Variants in ZZZ3 observed in about 807,000 individuals in gnomAD.
ZZZ3 encodes zinc finger ZZ-type containing 3.
ZZZ3 carries 22 observed loss-of-function variants against 95.2 expected under a neutral mutation model. That is an observed-to-expected ratio of 0.23 (90% CI 0.17 to 0.33). The LOEUF (loss-of-function observed/expected upper bound fraction) is 0.33. Ranked by LOEUF, ZZZ3 falls within the 10% of genes least tolerant of loss-of-function variation. ZZZ3 has a pLI of 1.00. For missense variants in ZZZ3, 885 were observed against 1,066.5 expected, an observed-to-expected ratio of 0.83 and a Z score of 2.37; for synonymous variants, 335 against 358.9, an observed-to-expected ratio of 0.93 and a Z score of 0.75.
At chr1:77,589,281 T>C (rs919091796) in intron 5 of ZZZ3, among the ~76,000 whole-genome samples, 2 of 152,212 alleles carry the variant, frequency 1.3e-5, no homozygotes, top group Admixed American at 1.3e-4. Context: ...TTATTTTTAC[T>C]ACTTTTCAAT....
chr1:77,572,765 T>G (rs558008554), intron 12 of ZZZ3, among the ~76,000 whole-genome samples: 2 of 151,964 alleles, frequency 1.3e-5, no homozygotes, highest in African/African-American at 4.8e-5. Flanking sequence ...GCCTCTTGAG[T>G]AGATGGGACT....
At chr1:77,639,901 A>ATTT (rs5775411) in intron 3 of ZZZ3, among the ~76,000 whole-genome samples, 1 of 140,992 alleles carries the variant, frequency 7.1e-6, no homozygotes, top group East Asian at 2.0e-4. Context: ...CTAAGGGAGT[A>ATTT]TTTTTTTTTT....
At chr1:77,579,225 A>T (rs1662263367) in intron 10 of ZZZ3, among the ~76,000 whole-genome samples, 1 of 152,238 alleles carries the variant, frequency 6.6e-6, no homozygotes, top group South Asian at 2.1e-4. Flanking sequence ...GCAATGAAAC[A>T]AATCTGTTTG....
At chr1:77,570,666 A>T (rs959202489) in intron 12 of ZZZ3, among the ~76,000 whole-genome samples, 1 of 147,128 alleles carries the variant, frequency 6.8e-6, no homozygotes, top group Non-Finnish European at 1.5e-5. Context: ...TTATTATTTT[A>T]TTATTATTAT....
intron 5 of ZZZ3, among the ~76,000 whole-genome samples, chr1:77,588,192 C>G (rs74848424): frequency 6.6e-6 from 1 of 152,086 alleles, no homozygotes; most frequent in African/African-American, 2.4e-5. Context: ...TTACTGAATG[C>G]GTACTACATG....
chr1:77,682,404 A>C (rs1672865769), intron 1 of ZZZ3, among the ~76,000 whole-genome samples, 181 bp downstream of exon 1: 1 of 152,076 alleles, frequency 6.6e-6, no homozygotes, highest in South Asian at 2.1e-4. Context: ...CTGCGTGGGG[A>C]GAAGGACCTG....
intron 5 of ZZZ3, among the ~76,000 whole-genome samples, chr1:77,590,651 G>A (rs2100612197): frequency 6.6e-6 from 1 of 152,288 alleles, no homozygotes; most frequent in South Asian, 2.1e-4. Flanking sequence ...TCCCCCCAGG[G>A]GGTTAAACAG....
chr1:77,680,158 A>G (rs2101099049), intron 1 of ZZZ3, among the ~76,000 whole-genome samples: 1 of 152,366 alleles, frequency 6.6e-6, no homozygotes, highest in Admixed American at 6.5e-5. Context: ...TATCTAAAGT[A>G]AAGAATTCAC....
chr1:77,595,568 T>C (rs1664136554), intron 5 of ZZZ3, among the ~76,000 whole-genome samples: 1 of 152,034 alleles, frequency 6.6e-6, no homozygotes, highest in South Asian at 2.1e-4. Context: ...AAGTAGAGCA[T>C]CTATATATTT....
chr1:77,616,978 C>T (rs979793429), intron 5 of ZZZ3, among the ~76,000 whole-genome samples: 8 of 152,080 alleles, frequency 5.3e-5, no homozygotes, highest in Non-Finnish European at 8.8e-5. Flanking sequence ...AAATGCATTA[C>T]AAATATATGT....
intron 1 of ZZZ3, among the ~76,000 whole-genome samples, chr1:77,657,365 C>T (rs1670365547): frequency 1.3e-5 from 2 of 152,074 alleles, no homozygotes; most frequent in South Asian, 4.1e-4. Context: ...CCTTCTTGCA[C>T]TTAGGAACAC....
rs1660666131 is a variant in ZZZ3 at position 77,564,596 on chromosome 1, GAAGA to G, written c.*1040_*1043del. On this transcript the variant is annotated 3_prime_UTR_variant, in exon 15 of 15. Transcript: ENST00000370801. The stretch of plus-strand genomic sequence containing the variant: ...AAGAACATACTGTATACACAGATAA[GAAGA>G]AACATACAAAATGTTTTAAATGATG... The G allele has an allele frequency of 6.6e-6, 1 of 152,638 alleles. No individual in the cohort carries two copies. The allele number at this position is 152,638 out of a possible 1,614,324, so 9.5% of individuals were successfully genotyped here. A position where few individuals can be genotyped will look rare whatever the true frequency, so the allele number is the denominator to read the frequency against.
chr1:77,599,872 C>A (rs1347513334), intron 5 of ZZZ3, among the ~76,000 whole-genome samples: 1 of 151,966 alleles, frequency 6.6e-6, no homozygotes, highest in Non-Finnish European at 1.5e-5. Context: ...ACAAAAACAC[C>A]TGCCTCTTTC....
intron 4 of ZZZ3, 67 bp downstream of exon 4, chr1:77,639,382 C>CAAA: frequency 2.3e-5 from 24 of 1,055,194 alleles, no homozygotes; most frequent in South Asian, 8.4e-5. Flanking sequence ...CTCCCCATCT[C>CAAA]AAAAAAAAAA....
At chr1:77,642,538 A>G (rs1173506313) in intron 1 of ZZZ3, among the ~76,000 whole-genome samples, 2 of 151,894 alleles carry the variant, frequency 1.3e-5, no homozygotes, top group Non-Finnish European at 2.9e-5. Context: ...GAGCTCAGGC[A>G]TTCGAGACCA....
chr1:77,568,565 CATTTTTAAAATATCTCTTAGTACTCAT>C, intron 12 of ZZZ3, 99 bp from the exon 13 acceptor site: 1 of 604,710 alleles, frequency 1.7e-6, no homozygotes, highest in Non-Finnish European at 2.5e-6. Context: ...TGATATTTTT[CATTTTTAAAATATCTCTTAGTACTCAT>C]AGAAAATTAG....
At chr1:77,616,513 C>T (rs1197445800) in intron 5 of ZZZ3, among the ~76,000 whole-genome samples, 1 of 152,136 alleles carries the variant, frequency 6.6e-6, no homozygotes, top group East Asian at 1.9e-4. Context: ...GGTGGCTTTT[C>T]CTTATTAAAA....
intron 4 of ZZZ3, among the ~76,000 whole-genome samples, chr1:77,639,086 G>A (rs541770912): frequency 2.2e-4 from 34 of 152,130 alleles, no homozygotes; most frequent in African/African-American, 8.2e-4. Context: ...TAGGTAGGTA[G>A]GTAGGCAGGC....
At chr1:77,624,242 A>T (rs548052772) in intron 5 of ZZZ3, among the ~76,000 whole-genome samples, 1 of 152,224 alleles carries the variant, frequency 6.6e-6, no homozygotes, top group Non-Finnish European at 1.5e-5. Flanking sequence ...CAATTTCCTG[A>T]GTGACAGGAG....
Sources: gnomAD v4.1 joint callset for allele counts (sites outside exome capture counted in the v4.1 genomes callset) on GRCh38, gnomAD v4.1.1 for gene constraint, MANE v1.5 for transcripts, NCBI Gene and HGNC (gene_info 2026-07-23, HGNC 2026-07-21) for gene names.